MAST2: variants seen among roughly 807,000 people sequenced by gnomAD.
The protein encoded by MAST2 is microtubule-associated serine/threonine-protein kinase 2.
Under a neutral mutation model 147.4 loss-of-function variants are expected in MAST2, and 70 were observed. The observed-to-expected ratio is 0.47, with a 90% CI of 0.39 to 0.58. The LOEUF (loss-of-function observed/expected upper bound fraction) is 0.58, where lower values mean the gene tolerates loss of function less well. MAST2 is among the 20% of genes least tolerant of loss of function. The pLI is 0.00. For missense variants in MAST2, 2,080 were observed against 2,302.3 expected (o/e 0.90, Z 1.98); for synonymous variants, 869 against 896.8 (o/e 0.97, Z 0.55).
intron 6 of MAST2, among the ~76,000 whole-genome samples, chr1:45,998,775 T>G (rs1226568676): frequency 6.6e-6 from 1 of 151,872 alleles, no homozygotes; most frequent in Non-Finnish European, 1.5e-5. Context: ...TCACCCAGGC[T>G]GGAGTGCTGT....
chr1:45,925,088 C>A (rs1654151595), intron 4 of MAST2, among the ~76,000 whole-genome samples: 1 of 152,172 alleles, frequency 6.6e-6, no homozygotes, highest in Non-Finnish European at 1.5e-5. Context: ...AAAACAGTGT[C>A]CCCTTGCATC....
rs1216552146 is a variant in MAST2, at chr1:45,891,939, C to T, written c.500+9544C>T. 3.3e-5 allele frequency among the ~76,000 whole-genome samples: 5 copies of T among 152,156 alleles called. No homozygotes were observed. The East Asian group carries it at 9.7e-4, about 29-fold the overall frequency. ...TAATAACTATAAATTTGGGTGAATT[C>T]CTAAGGGTCCTGGGCCTTCCAGGAA... On this transcript the variant is annotated intron_variant, in intron 4 of 28. Transcript: ENST00000361297.
chr1:45,950,713 A>C (rs905959413), intron 4 of MAST2, among the ~76,000 whole-genome samples: 1 of 152,222 alleles, frequency 6.6e-6, no homozygotes, highest in Non-Finnish European at 1.5e-5. Flanking sequence ...TTTGTAGTAC[A>C]AAATTACAAA....
chr1:45,907,750 C>A (rs912688951), intron 4 of MAST2, among the ~76,000 whole-genome samples: 19 of 152,140 alleles, frequency 1.2e-4, no homozygotes, highest in Non-Finnish European at 2.9e-5. Context: ...CCTTGGCAGT[C>A]TCTGTTCTAC....
intron 3 of MAST2, among the ~76,000 whole-genome samples, chr1:45,850,082 TC>T (rs1645576330): frequency 6.6e-6 from 1 of 152,212 alleles, no homozygotes; most frequent in South Asian, 2.1e-4. Flanking sequence ...GTATACGTGT[TC>T]CCTTTTATCT....
In MAST2 at chr1:46,031,548, C is replaced by T. The variant is rs368267628; in HGVS notation, c.3150C>T (p.Ser1050=). 18 of 1,613,902 alleles carry T rather than the reference C, an allele frequency of 1.1e-5. No homozygotes were observed. Among genetic ancestry groups the T allele is most frequent in the South Asian group, 4.4e-5 (4 of 91,080 alleles). The change falls in exon 24 of 29, where the codon TCC becomes TCT. Residue 1050 remains serine, a synonymous_variant. Coordinates refer to ENST00000361297, the MANE Select transcript of MAST2 (RefSeq NM_015112.3). The surrounding 1 kb of genome is among the most constrained non-coding windows in gnomAD (Gnocchi z 4.1). The stretch of plus-strand genomic sequence containing the variant: ...GCCCTGTCAACAAAGTGATCAAGTC[C>T]GCCTCAGCCACAGCCCTCTCACTCC... ...TARPVNKVIK[S]ASATALSLLI... is the part of the protein sequence containing the mutation.
chr1:45,926,221 A>G (rs1239807223), intron 4 of MAST2, among the ~76,000 whole-genome samples: 2 of 152,196 alleles, frequency 1.3e-5, no homozygotes, highest in Non-Finnish European at 2.9e-5. Context: ...TCACAATAGT[A>G]TTTCAAGGAT....
chr1:45,946,008 A>G (rs541437903), intron 4 of MAST2, among the ~76,000 whole-genome samples: 1 of 152,304 alleles, frequency 6.6e-6, no homozygotes, highest in South Asian at 2.1e-4. Flanking sequence ...TTACCAAGAG[A>G]TGTACTGCTT....
At chr1:45,931,032 G>A (rs10789482) in intron 4 of MAST2, among the ~76,000 whole-genome samples, 121,256 of 152,164 alleles carry the variant, frequency 0.8, 48,792 homozygotes, top group East Asian at 0.98. Flanking sequence ...TTTCATAACA[G>A]TACAGCCATT....
intron 10 of MAST2, among the ~76,000 whole-genome samples, chr1:46,013,005 G>A (rs551683743): frequency 6.6e-6 from 1 of 152,120 alleles, no homozygotes; most frequent in East Asian, 2.0e-4. Context: ...GAACGGCCTT[G>A]TGAGGAGCTT....
At chr1:45,866,140 A>G (rs931641418) in intron 3 of MAST2, among the ~76,000 whole-genome samples, 2 of 152,230 alleles carry the variant, frequency 1.3e-5, no homozygotes, top group Non-Finnish European at 2.9e-5. Context: ...ATAAATTTAA[A>G]CAAATTGTAT....
intron 4 of MAST2, among the ~76,000 whole-genome samples, chr1:45,889,457 G>T (rs1044657147): frequency 2.6e-5 from 4 of 152,162 alleles, no homozygotes; most frequent in Admixed American, 2.6e-4. Context: ...GAGGTGCTGA[G>T]ATTACAGGTG....
intron 5 of MAST2, among the ~76,000 whole-genome samples, chr1:45,985,306 C>G (rs1260342176): frequency 2.6e-5 from 4 of 151,804 alleles, no homozygotes; most frequent in African/African-American, 9.7e-5. Context: ...GTTGGGCAGG[C>G]TAGTCTTGAA....
At chr1:45,965,290 C>T (rs1327433643) in intron 5 of MAST2, among the ~76,000 whole-genome samples, 6 of 152,136 alleles carry the variant, frequency 3.9e-5, no homozygotes, top group East Asian at 3.9e-4. Flanking sequence ...CTTTCTGTCT[C>T]GCTGATCTGT....
At chr1:45,958,715 A>C (rs187341234) in intron 4 of MAST2, among the ~76,000 whole-genome samples, 1 of 152,190 alleles carries the variant, frequency 6.6e-6, no homozygotes, top group Non-Finnish European at 1.5e-5. Flanking sequence ...TTGGATGAAT[A>C]TAAATGGCAA....
chr1:45,905,552 G>T (rs1050829903), intron 4 of MAST2, among the ~76,000 whole-genome samples: 1 of 152,060 alleles, frequency 6.6e-6, no homozygotes, highest in Non-Finnish European at 1.5e-5. Context: ...GCCAAGGCGC[G>T]GATCACGAGC....
At chr1:45,975,082 A>T (rs1557989886) in intron 5 of MAST2, among the ~76,000 whole-genome samples, 1 of 152,162 alleles carries the variant, frequency 6.6e-6, no homozygotes, top group African/African-American at 2.4e-5. Context: ...CTCTAGGTCT[A>T]GTGGTACAAA....
intron 8 of MAST2, among the ~76,000 whole-genome samples, chr1:46,007,533 T>C (rs929623203): frequency 2.0e-5 from 3 of 152,186 alleles, no homozygotes. Flanking sequence ...TGTGCAGCAG[T>C]ACAGCAGGCA....
intron 9 of MAST2, among the ~76,000 whole-genome samples, chr1:46,009,162 C>A (rs1311874893): frequency 2.6e-5 from 4 of 152,208 alleles, no homozygotes; most frequent in Non-Finnish European, 5.9e-5. Flanking sequence ...TCAGACAATT[C>A]TCCTGCCTCA....
Sources: allele counts gnomAD v4.1 joint callset (sites outside exome capture counted in the v4.1 genomes callset), GRCh38; gene constraint gnomAD v4.1.1; non-coding constraint Gnocchi (gnomAD v3.1); transcripts MANE v1.5; gene names NCBI Gene and HGNC (gene_info 2026-07-23, HGNC 2026-07-21).